Variants in WDR13 observed in about 807,000 individuals in gnomAD.
WDR13 encodes WD repeat domain 13.
Under a neutral mutation model 28.6 loss-of-function variants are expected in WDR13, and 1 was observed. That is an observed-to-expected ratio of 0.03 (90% CI 0.01 to 0.17). The LOEUF (loss-of-function observed/expected upper bound fraction) is 0.17. Ranked by LOEUF, WDR13 falls within the 10% of genes least tolerant of loss-of-function variation. The pLI is 1.00. For missense variants in WDR13, 264 were observed against 469.3 expected (o/e 0.56, Z 4.04); for synonymous variants, 201 against 185.9 (o/e 1.08, Z -0.66).
At chrX:48,599,536 A>G in intron 4 of WDR13, 51 bp from the exon 5 acceptor site, 2 of 1,209,885 alleles carry the variant, frequency 1.7e-6, no homozygotes, top group Non-Finnish European at 1.1e-6. Context: ...TGGCAGACTG[A>G]ACACTCTCGC....
At position 48,608,611 on chromosome X, in the gene WDR13, G is replaced by C. The variant is rs2062235307; in HGVS notation, c.*3579G>C. 1 of 112,335 alleles carries C rather than the reference G, an allele frequency of 8.9e-6. No individual in the cohort carries two copies. The highest frequency in any genetic ancestry group is 1.9e-5 in the Non-Finnish European group (1 of 53,263). The allele number at this position is 112,335 out of a possible 1,213,427, so 9.3% of individuals were successfully genotyped here. A position where few individuals can be genotyped will look rare whatever the true frequency, so the allele number is the denominator to read the frequency against. ...TTCTACCAAGGTCTGTGGATGGCAG[G>C]ATAATTTTGAGGAACCTCCTTTTTC... On this transcript the variant is annotated 3_prime_UTR_variant, in exon 10 of 10. Coordinates refer to ENST00000376729, the MANE Select transcript of WDR13 (RefSeq NM_001347217.2).
chrX:48,601,948 C>T lies in WDR13; in HGVS notation c.996C>T (p.Leu332=). ...GDDRGSVFSF[L]FDMATGKLTK... is the part of the protein sequence containing the mutation. ...ACCGTGGCAGTGTCTTCTCTTTCCT[C>T]TTTGATATGGCCACAGGTAGGCAGA... The change falls in exon 7 of 10, where the codon CTC becomes CTT. Residue 332 remains leucine, a synonymous_variant. Transcript: ENST00000376729. The T allele has an allele frequency of 8.4e-7, 1 of 1,193,101 alleles. No individual in the cohort carries two copies. The highest frequency in any genetic ancestry group is 1.1e-6 in the Non-Finnish European group (1 of 884,180).
At chrX:48,599,522 G>A (rs2737787) in intron 4 of WDR13, 60 bp downstream of exon 4, 62 of 1,206,904 alleles carry the variant, frequency 5.1e-5, no homozygotes, top group Non-Finnish European at 6.8e-5. Flanking sequence ...GGGCCCTGGG[G>A]CAATGGCAGA....
chrX:48,601,062 G>A (rs1242607787), intron 6 of WDR13, among the ~76,000 whole-genome samples: 3 of 111,131 alleles, frequency 2.7e-5, no homozygotes, highest in Non-Finnish European at 3.8e-5. Flanking sequence ...ACCACTGGGC[G>A]ACAGAGCGAG....
rs2062218424 is a variant in WDR13, at chrX:48,605,865, A to G, written c.*833A>G. ...AGGCATGAACCACCACGCCTGGCTC[A>G]GGGTGACATTTAAAGACCTGAATGA... On this transcript the variant is annotated 3_prime_UTR_variant, in exon 10 of 10. Coordinates refer to ENST00000376729, the MANE Select transcript of WDR13 (RefSeq NM_001347217.2). 9.0e-6 allele frequency: 1 copy of G among 111,165 alleles called. No homozygotes were observed. Among genetic ancestry groups the G allele is most frequent in the Non-Finnish European group, 1.9e-5 (1 of 53,118 alleles). The allele number at this position is 111,165 out of a possible 1,213,427, so 9.2% of individuals were successfully genotyped here. A position where few individuals can be genotyped will look rare whatever the true frequency, so the allele number is the denominator to read the frequency against.
rs782348300 is a variant in WDR13, at chrX:48,601,904, C to G, written c.952C>G (p.Leu318Val). The G allele has an allele frequency of 8.3e-7, 1 of 1,203,208 alleles. No homozygotes were observed. The highest frequency in any genetic ancestry group is 1.7e-5 in the African/African-American group (1 of 57,801). The change falls in exon 7 of 10, where the codon CTG becomes GTG. Residue 318 changes from leucine (L) to valine (V), a missense_variant. Transcript: ENST00000376729. ...TCTGTCCTTTGATGCCCCTGGCCGG[C>G]TGCTCTGGGCGGGTGATGACCGTGG... Reference protein sequence around the residue: ...LALSFDAPGRLLWAGDDRGSV... With the variant: ...LALSFDAPGRVLWAGDDRGSV...
At chrX:48,599,058 C>T (rs1238089129) in intron 3 of WDR13, 101 bp downstream of exon 3, 1 of 1,078,121 alleles carries the variant, frequency 9.3e-7, no homozygotes, top group Non-Finnish European at 1.2e-6. Flanking sequence ...CACTGTTCTG[C>T]ATCAGCAGAG....
chrX:48,604,413 A>T, intron 9 of WDR13, 23 bp downstream of exon 9: 1 of 1,185,036 alleles, frequency 8.4e-7, no homozygotes, highest in Non-Finnish European at 1.1e-6. Flanking sequence ...GGGACAGGGG[A>T]TCTGGGTGGC....
chrX:48,599,323 T>C, intron 3 of WDR13, 30 bp from the exon 4 acceptor site: 1 of 1,108,584 alleles, frequency 9.0e-7, no homozygotes, highest in Non-Finnish European at 1.2e-6. Flanking sequence ...TTTTGCAAGA[T>C]GCACCCACCC....
rs1602143565 is a variant in WDR13, at chrX:48,598,995, G to T, written c.282+38G>T. On this transcript the variant is annotated intron_variant, in intron 3 of 9. Transcript: ENST00000376729. ...CCACATTCACCCCCGGGCATACCCT[G>T]CCTGCACACATTCACTCCACTGACT... is the stretch of plus-strand genomic sequence containing the variant. The T allele has an allele frequency of 7.7e-6, 9 of 1,170,587 alleles. No homozygotes were observed. In the East Asian group the frequency reaches 2.7e-4, roughly 35 times the overall value.
Position 48,598,819 on chromosome X carries a change from A to G in WDR13, c.144A>G (p.Pro48=). ...AGAATGCCAAGGCTGGGCACCCCCC[A>G]GCGCTGCGTCGGCAGTACCTGAGGC... ...LRENAKAGHP[P]ALRRQYLRLR... Residue 48 remains proline (P), a synonymous_variant, in exon 3 of 10, where the codon CCA becomes CCG. Transcript: ENST00000376729. The G allele has an allele frequency of 8.3e-7, 1 of 1,205,807 alleles. No individual in the cohort carries two copies. The highest frequency in any genetic ancestry group is 1.1e-6 in the Non-Finnish European group (1 of 892,716).
At chrX:48,601,736 G>T in intron 6 of WDR13, 48 bp from the exon 7 acceptor site, 1 of 1,121,531 alleles carries the variant, frequency 8.9e-7, no homozygotes, top group Non-Finnish European at 1.2e-6. Flanking sequence ...CAGACTCAAG[G>T]AGGGCCTGGC....
Position 48,599,444 on chromosome X carries a change from G to T in WDR13, c.374G>T (p.Arg125Leu), listed in dbSNP as rs993081877. Residue 125 changes from arginine to leucine, a missense_variant, in exon 4 of 10, where the codon CGT (arginine) becomes CTT (leucine). Coordinates refer to ENST00000376729, the MANE Select transcript of WDR13 (RefSeq NM_001347217.2). ...TACCAGCTGCAGGCGCAGATGAACC[G>T]TGCCGTCTATGAGGACAGGTATGCA... ...GSYQLQAQMN[R>L]AVYEDRPPGS... The T allele has an allele frequency of 8.3e-7, 1 of 1,208,821 alleles. No homozygotes were observed. Among genetic ancestry groups the T allele is most frequent in the Non-Finnish European group, 1.1e-6 (1 of 894,010 alleles).
rs900036732 is a variant in WDR13 at position 48,606,776 on chromosome X, A to C, written c.*1744A>C. 2 of 111,973 alleles carry C rather than the reference A, an allele frequency of 1.8e-5. No individual in the cohort carries two copies. Among genetic ancestry groups the C allele is most frequent in the African/African-American group, 3.2e-5 (1 of 30,805 alleles). 9.2% of individuals were successfully genotyped at this position (111,973 alleles called of 1,213,427 possible). The stretch of plus-strand genomic sequence containing the variant: ...TGCGTTGACTGGAACTGCGACTGAC[A>C]TCTTGGGACCTTAGGGTCAGTCCAC... On this transcript the variant is annotated 3_prime_UTR_variant, in exon 10 of 10. Transcript: ENST00000376729.
At chrX:48,603,260 C>T (rs1556995169) in intron 8 of WDR13, among the ~76,000 whole-genome samples, 2 of 112,450 alleles carry the variant, frequency 1.8e-5, no homozygotes, top group Non-Finnish European at 1.9e-5. Flanking sequence ...TCAAGTGATC[C>T]TTGTACCTTG....
At chrX:48,603,846 T>G (rs974025123) in intron 8 of WDR13, among the ~76,000 whole-genome samples, 32 of 110,968 alleles carry the variant, frequency 2.9e-4, no homozygotes, top group African/African-American at 9.8e-4. Flanking sequence ...CCAGGATCTT[T>G]TAGAGACCCT....
chrX:48,606,242 C>G lies in WDR13; in HGVS notation c.*1210C>G, dbSNP rs991883564. ...CTGAGCGCAGTGATGGGGACTTGCA[C>G]CAGGGTAGTGACAGTGGAGGAGTTG... On this transcript the variant is annotated 3_prime_UTR_variant, in exon 10 of 10. Transcript: ENST00000376729. The G allele has an allele frequency of 9.3e-6, 1 of 108,036 alleles. No individual in the cohort carries two copies. The highest frequency in any genetic ancestry group is 1.9e-5 in the Non-Finnish European group (1 of 52,193). The allele number at this position is 108,036 out of a possible 1,213,427, so 8.9% of individuals were successfully genotyped here. A position where few individuals can be genotyped will look rare whatever the true frequency, so the allele number is the denominator to read the frequency against.
intron 7 of WDR13, 49 bp from the exon 8 acceptor site, chrX:48,602,016 G>A: frequency 1.7e-6 from 2 of 1,197,799 alleles, no homozygotes; most frequent in Non-Finnish European, 2.3e-6. Context: ...GCCCTCCCAG[G>A]GCACAGCCCT....
chrX:48,599,647 C>T lies in WDR13; in HGVS notation c.453C>T (p.Asp151=). 7 of 1,212,592 alleles carry T rather than the reference C, an allele frequency of 5.8e-6. No homozygotes were observed. The Admixed American group carries it at 6.5e-5, about 11-fold the overall frequency. The change falls in exon 5 of 10, where the codon GAC becomes GAT. Residue 151 remains aspartate, a synonymous_variant. Coordinates refer to ENST00000376729, the MANE Select transcript of WDR13 (RefSeq NM_001347217.2). ...AAEASRAMAG[D]TSLSENYAFA... ...AGGCAAGTCGGGCCATGGCCGGGGA[C>T]ACGTCACTGAGCGAGAACTATGCCT...
Sources: gnomAD v4.1 joint callset for allele counts (sites outside exome capture counted in the v4.1 genomes callset) on GRCh38, gnomAD v4.1.1 for gene constraint, MANE v1.5 for transcripts, NCBI Gene and HGNC (gene_info 2026-07-23, HGNC 2026-07-21) for gene names.